TACC2: variants seen among roughly 807,000 people sequenced by gnomAD.
The protein encoded by TACC2 is transforming acidic coiled-coil-containing protein 2.
In TACC2, 137 loss-of-function variants were observed where a neutral mutation model predicts 227.3. The ratio of observed to expected loss-of-function variants is 0.60; its 90% CI spans 0.52 to 0.69. The LOEUF (loss-of-function observed/expected upper bound fraction) is 0.69. Ranked by LOEUF, TACC2 falls within the 30% of genes least tolerant of loss-of-function variation. The pLI, the probability that TACC2 is intolerant of heterozygous loss-of-function variation, is 0.00. For missense variants in TACC2, 3,470 were observed against 3,694.4 expected (o/e 0.94, Z 1.57); for synonymous variants, 1,523 against 1,487.5 (o/e 1.02, Z -0.55).
rs529792860 is a variant in TACC2 at position 122,209,068 on chromosome 10, C to T, written c.5972-1329C>T. Among the ~76,000 whole-genome samples the T allele has an allele frequency of 3.5e-3, 534 of 152,320 alleles. 5 individuals carry two copies. Among genetic ancestry groups the T allele is most frequent in the South Asian group, 6.0e-3 (29 of 4,814 alleles). On this transcript the variant is annotated intron_variant, in intron 8 of 22. Transcript: ENST00000369005. The surrounding 1 kb of genome is among the most constrained non-coding windows in gnomAD (Gnocchi z 4.5). ...AGCATCATTTGGCCAACATTTGCAG[C>T]ATCTGCAGCATGTTTGGGAAATAGG...
intron 5 of TACC2, among the ~76,000 whole-genome samples, chr10:122,100,530 T>C (rs2082016950): frequency 6.6e-6 from 1 of 151,040 alleles, no homozygotes; most frequent in Non-Finnish European, 1.5e-5. Flanking sequence ...TTCAAGCAGC[T>C]CTCCTGCCTC....
At chr10:122,125,413 C>T (rs2086640369) in intron 5 of TACC2, among the ~76,000 whole-genome samples, 1 of 151,984 alleles carries the variant, frequency 6.6e-6, no homozygotes, top group Non-Finnish European at 1.5e-5. Flanking sequence ...GTTGCTCAGG[C>T]TGGTCTCGAA....
chr10:122,176,073 T>TTCTCTCTC (rs55655832), intron 7 of TACC2, among the ~76,000 whole-genome samples: 149 of 92,748 alleles, frequency 1.6e-3, no homozygotes, highest in South Asian at 5.3e-3. Flanking sequence ...GAGCAAAACC[T>TTCTCTCTC]TCTCTCTCTC....
At chr10:122,199,865 C>T (rs2094720306) in intron 8 of TACC2, among the ~76,000 whole-genome samples, 1 of 152,160 alleles carries the variant, frequency 6.6e-6, no homozygotes, top group Non-Finnish European at 1.5e-5. Flanking sequence ...TGTGTCCTGA[C>T]ATGGTGAAAG....
rs199878808 is a variant in TACC2 at position 122,249,699 on chromosome 10, G to A, written c.8781+35G>A. 1.5e-4 allele frequency: 243 copies of A among 1,591,462 alleles called. 4 individuals are homozygous for A. The East Asian group carries it at 5.3e-3, about 35-fold the overall frequency. ...GAGGGGTGTGGCCTCCAGGTGGGCC[G>A]GGCTGCTGCTCTCTGTGCTGCTGGC... On this transcript the variant is annotated intron_variant, in intron 22 of 22. Coordinates refer to ENST00000369005, the MANE Select transcript of TACC2 (RefSeq NM_206862.4).
In TACC2 at chr10:122,110,625, G is replaced by C. The variant is rs569557288; in HGVS notation, c.5574-21984G>C. On this transcript the variant is annotated intron_variant, in intron 5 of 22. Transcript: ENST00000369005. ...ATTCCTCACAGAGGTGCCGAGGTCA[G>C]CCTTCCTCGACCAGAGTGGTTCTCC... Among the ~76,000 whole-genome samples the C allele has an allele frequency of 1.4e-4, 21 of 152,316 alleles. No individual in the cohort carries two copies. In the South Asian group the frequency reaches 4.2e-3, roughly 30 times the overall value.
In TACC2 at chr10:122,150,668, G is replaced by A. The variant is rs949856311; in HGVS notation, c.5834+6962G>A. On this transcript the variant is annotated intron_variant, in intron 7 of 22. Coordinates refer to ENST00000369005, the MANE Select transcript of TACC2 (RefSeq NM_206862.4). The surrounding 1 kb of genome is among the most constrained non-coding windows in gnomAD (Gnocchi z 4.0). ...AGGGAGGTGGGGTAGGATGGGATAT[G>A]GTACGAGCATGTGCGGCTCAGGACC... is the stretch of plus-strand genomic sequence containing the variant. Among the ~76,000 whole-genome samples the A allele has an allele frequency of 2.0e-5, 3 of 152,210 alleles. No individual in the cohort carries two copies. The highest frequency in any genetic ancestry group is 1.3e-4 in the Admixed American group (2 of 15,282).
intron 9 of TACC2, 108 bp from the exon 10 acceptor site, chr10:122,215,283 C>G (rs187035829): frequency 1.0e-6 from 1 of 964,368 alleles, no homozygotes; most frequent in Non-Finnish European, 1.7e-6. Flanking sequence ...GGGAGGGTGG[C>G]CTGGGCCAGA....
chr10:122,094,992 C>T (rs1404615099), intron 5 of TACC2, among the ~76,000 whole-genome samples: 1 of 152,186 alleles, frequency 6.6e-6, no homozygotes, highest in Non-Finnish European at 1.5e-5. Context: ...CTGGTGAGAG[C>T]TGCAAGGAAA....
chr10:122,152,999 C>CTTTTTTTTTTTTTTTT (rs150943859), intron 7 of TACC2, among the ~76,000 whole-genome samples: 3 of 135,022 alleles, frequency 2.2e-5, no homozygotes, highest in Non-Finnish European at 4.8e-5. Context: ...TTCTTTCTTT[C>CTTTTTTTTTTTTTTTT]TTTTTTTTTT....
At chr10:122,241,744 T>C (rs968865061) in intron 18 of TACC2, 7 of 588,980 alleles carry the variant, frequency 1.2e-5, no homozygotes, top group Admixed American at 1.1e-4. Flanking sequence ...TTTTTCTTAG[T>C]GGGCAGTGAG....
intron 3 of TACC2, among the ~76,000 whole-genome samples, chr10:122,064,801 T>G (rs1311082357): frequency 2.0e-5 from 3 of 152,214 alleles, no homozygotes; most frequent in African/African-American, 7.2e-5. Context: ...CTCTATAGTT[T>G]TGTTCTAATT....
Position 122,085,325 on chromosome 10 carries a change from C to A in TACC2, c.2825C>A (p.Pro942His). ...ELSAPTRQKL[P>H]ALGEKRPEGA... ...TCAGCACCAACGAGACAGAAGTTGC[C>A]TGCACTAGGGGAGAAGCGGCCAGAG... The change falls in exon 4 of 23, where the codon CCT (proline) becomes CAT (histidine). Residue 942 changes from proline to histidine, a missense_variant. Physicochemically the swap from Pro to His is moderately conservative, Grantham distance 77. Around this residue, in one of 10 missense-constraint regions of TACC2, gnomAD observed 1,924 missense variants for 1,978.3 expected, o/e 0.97. Coordinates refer to ENST00000369005, the MANE Select transcript of TACC2 (RefSeq NM_206862.4). 1 of 1,614,082 alleles carries A rather than the reference C, an allele frequency of 6.2e-7. No individual in the cohort carries two copies. Among genetic ancestry groups the A allele is most frequent in the Non-Finnish European group, 8.5e-7 (1 of 1,180,046 alleles).
chr10:122,200,038 G>C (rs1422038914), intron 8 of TACC2, among the ~76,000 whole-genome samples: 2 of 152,230 alleles, frequency 1.3e-5, no homozygotes, highest in Non-Finnish European at 2.9e-5. Flanking sequence ...ATTCGGACCA[G>C]AGCACACAGC....
chr10:122,112,904 AGC>A (rs984094493), intron 5 of TACC2: 1 of 151,802 alleles, frequency 6.6e-6, no homozygotes, highest in Non-Finnish European at 1.5e-5. Flanking sequence ...CGGGGAGGAG[AGC>A]GCGGCGGGCG....
intron 1 of TACC2, among the ~76,000 whole-genome samples, chr10:122,008,264 A>ATTATTATTATTATTATTT: frequency 2.4e-4 from 32 of 134,656 alleles, no homozygotes; most frequent in African/African-American, 9.0e-4. Flanking sequence ...TATTATTATT[A>ATTATTATTATTATTATTT]TTTTTTTTTT....
In TACC2 at chr10:122,210,415, T is replaced by C; in HGVS notation, c.5990T>C (p.Val1997Ala). Residue 1997 changes from valine (V) to alanine (A), a missense_variant, in exon 9 of 23, where the codon GTC becomes GCC. Around this residue, in one of 10 missense-constraint regions of TACC2, gnomAD observed 593 missense variants for 636.6 expected, o/e 0.93. Coordinates refer to ENST00000369005, the MANE Select transcript of TACC2 (RefSeq NM_206862.4). This position sits in a 1 kb window ranked among gnomAD's most constrained non-coding sequence, Gnocchi z 4.6. The stretch of plus-strand genomic sequence containing the variant: ...TCCCCAGGATGTGGTTCTGAGACAG[T>C]CCCTGTCCCTGATGGCCCACGGAGC... Reference protein sequence around the residue: ...PEEPGCGSETVPVPDGPRSDS... With the variant: ...PEEPGCGSETAPVPDGPRSDS... 6.2e-7 allele frequency: 1 copy of C among 1,613,882 alleles called. No individual in the cohort carries two copies. Among genetic ancestry groups the C allele is most frequent in the Admixed American group, 1.7e-5 (1 of 60,008 alleles).
chr10:122,243,628 C>G (rs1369439510), intron 19 of TACC2, among the ~76,000 whole-genome samples: 1 of 151,358 alleles, frequency 6.6e-6, no homozygotes, highest in East Asian at 1.9e-4. Flanking sequence ...AAAAAAAAAA[C>G]TCTTGGAGTT....
intron 2 of TACC2, among the ~76,000 whole-genome samples, chr10:122,047,503 A>C (rs1449289644): frequency 6.6e-6 from 1 of 151,994 alleles, no homozygotes; most frequent in Non-Finnish European, 1.5e-5. Context: ...GGTCAAGCCA[A>C]CCCCAGGTCA....
Sources: allele counts gnomAD v4.1 joint callset (sites outside exome capture counted in the v4.1 genomes callset), GRCh38; gene constraint gnomAD v4.1.1; regional missense constraint gnomAD v4.1.1; non-coding constraint Gnocchi (gnomAD v3.1); transcripts MANE v1.5; gene names NCBI Gene and HGNC (gene_info 2026-07-23, HGNC 2026-07-21).